TRPM3: variants seen among roughly 807,000 people sequenced by gnomAD.
The protein encoded by TRPM3 is long transient receptor potential channel 3.
Under a neutral mutation model 181.2 loss-of-function variants are expected in TRPM3, and 77 were observed. The observed-to-expected ratio is 0.42, with a 90% CI of 0.35 to 0.51. The LOEUF (loss-of-function observed/expected upper bound fraction) is 0.51. Ranked by LOEUF, TRPM3 falls within the 20% of genes least tolerant of loss-of-function variation. The probability of loss-of-function intolerance (pLI) is 0.01; values close to 1 mark genes in which losing one functional copy is unlikely to be tolerated. For synonymous variants in TRPM3, 745 were observed against 796.4 expected (o/e 0.94, Z 1.09); for missense variants, 1,759 against 2,196.7 (o/e 0.80, Z 3.98).
chr9:71,099,663 G>A (rs1323874453), intron 1 of TRPM3, among the ~76,000 whole-genome samples: 1 of 152,082 alleles, frequency 6.6e-6, no homozygotes, highest in Non-Finnish European at 1.5e-5. Context: ...CCACATGCCA[G>A]GATAGAAAAT....
At chr9:71,068,849 A>AC (rs1278533580) in intron 1 of TRPM3, among the ~76,000 whole-genome samples, 1 of 152,178 alleles carries the variant, frequency 6.6e-6, no homozygotes, top group African/African-American at 2.4e-5. Flanking sequence ...GGGATATGTC[A>AC]CTAAGAACAC....
intron 1 of TRPM3, among the ~76,000 whole-genome samples, chr9:71,015,565 T>C (rs2097777769): frequency 6.6e-6 from 1 of 152,200 alleles, no homozygotes; most frequent in Admixed American, 6.5e-5. Context: ...ACACATTTAT[T>C]CAAGTGGTTG....
At chr9:70,546,901 GTGTTAATGA>G (rs1414387415) in intron 25 of TRPM3, among the ~76,000 whole-genome samples, 1 of 152,130 alleles carries the variant, frequency 6.6e-6, no homozygotes, top group African/African-American at 2.4e-5. Context: ...TTCCTATGAG[GTGTTAATGA>G]TCTCCTGAAT....
rs533498727 is a variant in TRPM3 at position 71,225,081 on chromosome 9, G to C, written c.183+221572C>G. Reference sequence around the variant, plus strand: ...CAGAGAATGTCCCAAACCTATAGAAGGCTACCAATATTTAATATTGATACA... The same window carrying C: ...CAGAGAATGTCCCAAACCTATAGAACGCTACCAATATTTAATATTGATACA... On this transcript the variant is annotated intron_variant, in intron 1 of 24. Transcript: ENST00000357533. Among the ~76,000 whole-genome samples the C allele has an allele frequency of 2.2e-3, 330 of 152,054 alleles. 1 individual carries two copies. Among genetic ancestry groups the C allele is most frequent in the African/African-American group, 7.6e-3 (316 of 41,488 alleles).
chr9:71,001,421 A>G (rs1265624470), intron 1 of TRPM3, among the ~76,000 whole-genome samples: 5 of 152,210 alleles, frequency 3.3e-5, no homozygotes, highest in Non-Finnish European at 7.3e-5. Flanking sequence ...GTCATTTTAA[A>G]CATCTTAATG....
In TRPM3 at chr9:71,060,720, G is replaced by GC. The variant is rs2061234737; in HGVS notation, c.177+60457dup. Among the ~76,000 whole-genome samples the GC allele has an allele frequency of 2.0e-5, 3 of 152,076 alleles. No homozygotes were observed. The South Asian group carries it at 6.2e-4, about 31-fold the overall frequency. The stretch of plus-strand genomic sequence containing the variant: ...GACAAATCCATATGGGACAGGGCAA[G>GC]CCCTTATTTGTCAAAGCATTGACAG... On this transcript the variant is annotated intron_variant, in intron 1 of 25. Coordinates refer to ENST00000677713, the MANE Select transcript of TRPM3 (RefSeq NM_001366145.2).
intron 16 of TRPM3, 52 bp downstream of exon 16, chr9:70,620,024 C>T: frequency 6.5e-7 from 1 of 1,545,184 alleles, no homozygotes; most frequent in South Asian, 1.2e-5. Context: ...GCACTGGGAG[C>T]CCACCTTTCC....
chr9:70,637,455 A>C (rs1213247954), intron 11 of TRPM3, among the ~76,000 whole-genome samples: 21 of 139,460 alleles, frequency 1.5e-4, no homozygotes, highest in Admixed American at 6.0e-4. Flanking sequence ...TTTCCTACCC[A>C]CCCCCACTCC....
At chr9:71,118,761 CA>C (rs1487747605) in intron 1 of TRPM3, among the ~76,000 whole-genome samples, 1 of 151,276 alleles carries the variant, frequency 6.6e-6, no homozygotes, top group African/African-American at 2.4e-5. Flanking sequence ...ATCCATTCAT[CA>C]AATTAACATA....
In TRPM3 at chr9:70,977,910, C is replaced by T. The variant is rs2097322988; in HGVS notation, c.178-113399G>A. On this transcript the variant is annotated intron_variant, in intron 1 of 25. Coordinates refer to ENST00000677713, the MANE Select transcript of TRPM3 (RefSeq NM_001366145.2). ...TTTGTTGTATTTACCAACCCAGAAG[C>T]TCTCTGAATCTCATTTTTAGGGGCT... Among the ~76,000 whole-genome samples the T allele has an allele frequency of 3.3e-5, 5 of 152,202 alleles. No individual in the cohort carries two copies. The South Asian group carries it at 1.0e-3, about 31-fold the overall frequency.
chr9:70,544,015 CAGCAAAACAGCCCTGTGTG>C (rs1419437260), intron 25 of TRPM3, among the ~76,000 whole-genome samples: 1 of 152,164 alleles, frequency 6.6e-6, no homozygotes, highest in Non-Finnish European at 1.5e-5. Context: ...ACTGCAAGTC[CAGCAAAACAGCCCTGTGTG>C]GGCAGATGCT....
At chr9:71,170,723 T>C (rs576871694) in intron 1 of TRPM3, among the ~76,000 whole-genome samples, 3 of 152,308 alleles carry the variant, frequency 2.0e-5, no homozygotes, top group African/African-American at 4.8e-5. Context: ...CTCTTAATCC[T>C]GTCAGCTTAG....
intron 8 of TRPM3, among the ~76,000 whole-genome samples, chr9:70,738,410 A>T (rs546266661): frequency 2.0e-5 from 3 of 152,180 alleles, no homozygotes; most frequent in African/African-American, 7.2e-5. Context: ...ATAAAAAAAA[A>T]TCAAGATGGA....
chr9:71,267,768 A>G (rs1366374027), intron 1 of TRPM3, among the ~76,000 whole-genome samples: 3 of 152,232 alleles, frequency 2.0e-5, no homozygotes. Context: ...AATGCACATG[A>G]CGGACAATGG....
chr9:71,237,307 A>T (rs1205710710), intron 1 of TRPM3, among the ~76,000 whole-genome samples: 1 of 152,162 alleles, frequency 6.6e-6, no homozygotes, highest in African/African-American at 2.4e-5. Context: ...TGATACTATG[A>T]ACACAGTTCT....
At chr9:70,799,849 C>T (rs2088377052) in intron 6 of TRPM3, among the ~76,000 whole-genome samples, 1 of 152,154 alleles carries the variant, frequency 6.6e-6, no homozygotes, top group Non-Finnish European at 1.5e-5. Flanking sequence ...AAGTCATTAA[C>T]TCCAACAACT....
chr9:70,876,799 C>T (rs1444713665), intron 1 of TRPM3, among the ~76,000 whole-genome samples: 1 of 151,838 alleles, frequency 6.6e-6, no homozygotes, highest in Non-Finnish European at 1.5e-5. Flanking sequence ...CATTCTTTAC[C>T]CAGCAACAAG....
chr9:71,418,802 C>T (rs1284488047), intron 1 of TRPM3, among the ~76,000 whole-genome samples: 1 of 48,820 alleles, frequency 2.0e-5, no homozygotes. Context: ...CTTTGAGATA[C>T]TATATATATA....
chr9:71,223,503 C>T (rs1200379834), intron 1 of TRPM3, among the ~76,000 whole-genome samples: 3 of 152,216 alleles, frequency 2.0e-5, no homozygotes, highest in Non-Finnish European at 2.9e-5. Context: ...CCAGGAGAGA[C>T]TTCTGCTACA....
Sources: allele counts gnomAD v4.1 joint callset (sites outside exome capture counted in the v4.1 genomes callset), GRCh38; gene constraint gnomAD v4.1.1; transcripts MANE v1.5; gene names NCBI Gene and HGNC (gene_info 2026-07-23, HGNC 2026-07-21).